The following WWOX variants were observed in gnomAD, a reference collection of about 807,000 sequenced individuals.
The protein encoded by WWOX is WW domain-containing oxidoreductase.
In WWOX, 69 loss-of-function variants were observed where a neutral mutation model predicts 46.2. The observed-to-expected ratio is 1.49, with a 90% CI of 1.23 to 1.82. WWOX has a LOEUF of 1.82. Ranked by LOEUF, WWOX falls within the 40% of genes most tolerant of loss-of-function variation. The pLI is 0.00. For missense variants in WWOX, 919 were observed against 542.6 expected, an observed-to-expected ratio of 1.69 and a Z score of -6.89; for synonymous variants, 359 against 202.6, an observed-to-expected ratio of 1.77 and a Z score of -6.56.
chr16:78,728,541 C>G (rs982900963), intron 8 of WWOX, among the ~76,000 whole-genome samples: 1 of 152,274 alleles, frequency 6.6e-6, no homozygotes, highest in Non-Finnish European at 1.5e-5. Flanking sequence ...CTCTGAAAAA[C>G]TCCGCTGTCT....
chr16:78,903,091 C>T (rs2044870141), intron 8 of WWOX, among the ~76,000 whole-genome samples: 1 of 152,194 alleles, frequency 6.6e-6, no homozygotes, highest in East Asian at 1.9e-4. Flanking sequence ...GAAAGCAAAA[C>T]TACACTCCAT....
At chr16:79,068,448 G>GCA (rs1344936223) in intron 8 of WWOX, among the ~76,000 whole-genome samples, 1 of 152,056 alleles carries the variant, frequency 6.6e-6, no homozygotes, top group Non-Finnish European at 1.5e-5. Context: ...CCTCCTGAAT[G>GCA]CACAATCATA....
chr16:78,167,931 G>A (rs2035026705), intron 5 of WWOX: 1 of 152,068 alleles, frequency 6.6e-6, no homozygotes, highest in Non-Finnish European at 1.5e-5. Flanking sequence ...ACCTTCCTGT[G>A]TTTCTCAAGG....
chr16:78,450,895 T>C (rs1158800863), intron 8 of WWOX, among the ~76,000 whole-genome samples: 1 of 152,184 alleles, frequency 6.6e-6, no homozygotes, highest in African/African-American at 2.4e-5. Flanking sequence ...ATATACCCAA[T>C]AATGAAAACA....
chr16:78,698,310 G>A (rs1436934224), intron 8 of WWOX, among the ~76,000 whole-genome samples: 1 of 152,190 alleles, frequency 6.6e-6, no homozygotes, highest in Non-Finnish European at 1.5e-5. Flanking sequence ...GTGTGCAGAC[G>A]AAGGGAGATG....
chr16:78,962,737 C>T (rs542650582), intron 8 of WWOX, among the ~76,000 whole-genome samples: 3 of 152,036 alleles, frequency 2.0e-5, no homozygotes, highest in Non-Finnish European at 4.4e-5. Flanking sequence ...GTGTAAACAC[C>T]ACTCAGATCA....
rs547802250 is a variant in WWOX at position 78,276,401 on chromosome 16, G to A, written c.517-110459G>A. On this transcript the variant is annotated intron_variant, in intron 5 of 8. Transcript: ENST00000566780. ...GACAATGATAATAATTATAACCCAA[G>A]CGACACATACAATTTAATCAGGCAC... Among the ~76,000 whole-genome samples, 16 of 152,300 alleles carry A rather than the reference G, an allele frequency of 1.1e-4. No homozygotes were observed. In the South Asian group the frequency reaches 3.3e-3, roughly 32 times the overall value.
At chr16:78,582,487 C>G (rs1391681482) in intron 8 of WWOX, among the ~76,000 whole-genome samples, 1 of 152,038 alleles carries the variant, frequency 6.6e-6, no homozygotes, top group African/African-American at 2.4e-5. Context: ...CCTACATTCT[C>G]TTTTGGTGTA....
chr16:79,170,442 A>T (rs575420417), intron 8 of WWOX, among the ~76,000 whole-genome samples: 2 of 152,284 alleles, frequency 1.3e-5, no homozygotes, highest in East Asian at 3.9e-4. Flanking sequence ...CTGCAATACA[A>T]CTGTTAAGAC....
chr16:79,019,146 C>G (rs1415350537), intron 8 of WWOX, among the ~76,000 whole-genome samples: 1 of 100,388 alleles, frequency 1.0e-5, no homozygotes, highest in East Asian at 3.2e-4. Flanking sequence ...CAGCAGAGTG[C>G]GACCTTGTCT....
chr16:78,876,209 C>T lies in WWOX; in HGVS notation c.1057-335399C>T, dbSNP rs939153301. ...AAAACACTTAAGGTTTTTTTCCTTT[C>T]TTTTTTTTTTTAATTCTTCCGCCAG... On this transcript the variant is annotated intron_variant, in intron 8 of 8. Transcript: ENST00000566780. Among the ~76,000 whole-genome samples, 5 of 148,236 alleles carry T rather than the reference C, an allele frequency of 3.4e-5. No individual in the cohort carries two copies. The East Asian group carries it at 7.9e-4, about 23-fold the overall frequency.
intron 8 of WWOX, among the ~76,000 whole-genome samples, chr16:79,010,472 T>G (rs1365570581): frequency 2.0e-5 from 3 of 151,918 alleles, no homozygotes; most frequent in Admixed American, 1.3e-4. Flanking sequence ...AATCCACAGG[T>G]GATGGCGGGA....
At chr16:78,533,321 T>C (rs2043671391) in intron 8 of WWOX, among the ~76,000 whole-genome samples, 1 of 151,784 alleles carries the variant, frequency 6.6e-6, no homozygotes, top group African/African-American at 2.4e-5. Context: ...GAGTCTAACA[T>C]AGGGGTGTCC....
intron 5 of WWOX, among the ~76,000 whole-genome samples, chr16:78,342,716 C>A (rs2081037990): frequency 8.3e-6 from 1 of 120,136 alleles, no homozygotes; most frequent in Non-Finnish European, 2.0e-5. Flanking sequence ...ACATTTGCAC[C>A]CCAGGGATAG....
chr16:78,138,037 C>T (rs929396259), intron 4 of WWOX, among the ~76,000 whole-genome samples: 1 of 150,606 alleles, frequency 6.6e-6, no homozygotes, highest in African/African-American at 2.5e-5. Context: ...TTCTGATCAG[C>T]TTCTATAATG....
At chr16:78,328,019 G>A (rs111603315) in intron 5 of WWOX, among the ~76,000 whole-genome samples, 5,741 of 151,974 alleles carry the variant, frequency 0.038, 399 homozygotes, top group African/African-American at 0.13. Context: ...TGGATTATGG[G>A]TTTGTACCAC....
At chr16:78,819,305 A>G (rs562021160) in intron 8 of WWOX, among the ~76,000 whole-genome samples, 2 of 152,248 alleles carry the variant, frequency 1.3e-5, no homozygotes, top group East Asian at 3.9e-4. Flanking sequence ...CAGGGCTTAC[A>G]CACCGGACCA....
chr16:78,759,237 T>A (rs2049731916), intron 8 of WWOX, among the ~76,000 whole-genome samples: 1 of 152,068 alleles, frequency 6.6e-6, no homozygotes, highest in South Asian at 2.1e-4. Flanking sequence ...CCATTTCAGG[T>A]GAATGCCAAG....
At chr16:78,355,647 G>A (rs1239259982) in intron 5 of WWOX, 9 of 643,580 alleles carry the variant, frequency 1.4e-5, no homozygotes, top group Non-Finnish European at 8.5e-6. Flanking sequence ...GAGCTTCGAG[G>A]CAGATTACAT....
Sources: gnomAD v4.1 joint callset for allele counts (sites outside exome capture counted in the v4.1 genomes callset) on GRCh38, gnomAD v4.1.1 for gene constraint, MANE v1.5 for transcripts, NCBI Gene and HGNC (gene_info 2026-07-23, HGNC 2026-07-21) for gene names.